Variants in MTHFSD observed in about 807,000 individuals in gnomAD.
MTHFSD encodes the protein methenyltetrahydrofolate synthetase domain containing, also known as methenyltetrahydrofolate synthase domain-containing protein.
In MTHFSD, 37 loss-of-function variants were observed where a neutral mutation model predicts 31.1. The ratio of observed to expected loss-of-function variants is 1.19; its 90% confidence interval spans 0.91 to 1.56. The LOEUF (loss-of-function observed/expected upper bound fraction) is 1.56, where lower values mean the gene tolerates loss of function less well. MTHFSD is among the 40% of genes most tolerant of loss of function. The probability of loss-of-function intolerance (pLI) is 0.00; values close to 1 mark genes in which losing one functional copy is unlikely to be tolerated. For missense variants in MTHFSD, 664 were observed against 510.1 expected (o/e 1.30, Z -2.91); for synonymous variants, 221 against 206.9 (o/e 1.07, Z -0.59).
chr16:86,552,830 C>T (rs1032590095), intron 2 of MTHFSD, among the ~76,000 whole-genome samples: 5 of 152,192 alleles, frequency 3.3e-5, no homozygotes, highest in Non-Finnish European at 7.3e-5. Context: ...TGTGGAGAAG[C>T]CAGGCTTGGG....
intron 7 of MTHFSD, chr16:86,535,320 C>G (rs1244014083): frequency 5.0e-5 from 4 of 79,994 alleles, no homozygotes; most frequent in Non-Finnish European, 6.5e-5. Flanking sequence ...CCCTCCTCCT[C>G]AAGCTCTAAT....
At chr16:86,554,941 C>T in intron 1 of MTHFSD, 190 bp from the exon 2 acceptor site, 1 of 1,218,896 alleles carries the variant, frequency 8.2e-7, no homozygotes, top group East Asian at 2.6e-5. Flanking sequence ...GTCCCTCCCG[C>T]CTCGTCTTCT....
intron 5 of MTHFSD, among the ~76,000 whole-genome samples, chr16:86,543,569 T>G (rs1007976557): frequency 3.9e-5 from 6 of 152,154 alleles, no homozygotes; most frequent in African/African-American, 1.2e-4. Context: ...GTGCAGTTCC[T>G]CAACACGGGC....
intron 2 of MTHFSD, among the ~76,000 whole-genome samples, chr16:86,554,118 C>T (rs1477563803): frequency 6.6e-6 from 1 of 152,170 alleles, no homozygotes; most frequent in African/African-American, 2.4e-5. Context: ...CAACCCTCTC[C>T]AATCCCCTTC....
At position 86,532,209 on chromosome 16, in the gene MTHFSD, A is replaced by C. The variant is rs1056781884; in HGVS notation, c.954T>G (p.Arg318=). The C allele has an allele frequency of 1.9e-6, 3 of 1,583,662 alleles. No homozygotes were observed. Among genetic ancestry groups the C allele is most frequent in the South Asian group, 2.3e-5 (2 of 86,894 alleles). ...VYVGNLPGDA[R]VSDLKRALRE... ...GCAGGGCTCTCTTCAGGTCACTCAC[A>C]CGGGCGTCCCCGGGGAGGTTCCCAA... Residue 318 remains arginine (R), a synonymous_variant, in exon 8 of 8, where the codon CGT becomes CGG. Coordinates refer to ENST00000360900, the MANE Select transcript of MTHFSD (RefSeq NM_001159377.2).
rs768607027 is a variant in MTHFSD at position 86,555,234 on chromosome 16, G to C, written c.-50C>G. 143 of 1,534,918 alleles carry C rather than the reference G, an allele frequency of 9.3e-5. No homozygotes were observed. The African/African-American group carries it at 1.8e-3, about 19-fold the overall frequency. On this transcript the variant is annotated 5_prime_UTR_variant, in exon 1 of 8. Coordinates refer to ENST00000360900, the MANE Select transcript of MTHFSD (RefSeq NM_001159377.2). ...TTCCCGGCGCAGGTTCTGGCGCGTA[G>C]TGACGTCACCCGCTCCGCGCCTGCG...
At chr16:86,534,439 G>A (rs533827269) in intron 7 of MTHFSD, among the ~76,000 whole-genome samples, 122 of 152,320 alleles carry the variant, frequency 8.0e-4, no homozygotes, top group Admixed American at 1.6e-3. Flanking sequence ...AGCCTCGCCT[G>A]AGAATGCTTG....
In MTHFSD at chr16:86,546,577, C is replaced by T. The variant is rs747863150; in HGVS notation, c.424G>A (p.Val142Ile). ...GTCTTACCTTTTTCAGAAACGGCGACGGATCCCACCACAACTAAATCCACG... is the reference window on the plus strand; with the variant it reads ...GTCTTACCTTTTTCAGAAACGGCGATGGATCCCACCACAACTAAATCCACG... ...VLVDLVVVGS[V>I]AVSEKGWRIG... The change falls in exon 5 of 8, where the codon GTC (valine) becomes ATC (isoleucine). Residue 142 changes from valine to isoleucine, a missense_variant. Physicochemically the swap from Val to Ile is conservative, Grantham distance 29. Coordinates refer to ENST00000360900, the MANE Select transcript of MTHFSD (RefSeq NM_001159377.2). 5.6e-6 allele frequency: 9 copies of T among 1,613,818 alleles called. No homozygotes were observed. The highest frequency in any genetic ancestry group is 1.1e-5 in the South Asian group (1 of 91,088).
chr16:86,540,059 G>A (rs1971282699), intron 7 of MTHFSD, among the ~76,000 whole-genome samples: 1 of 151,986 alleles, frequency 6.6e-6, no homozygotes, highest in African/African-American at 2.4e-5. Context: ...ATGGAATTTA[G>A]AGATTTTTTT....
chr16:86,548,599 A>G (rs1972674070), intron 3 of MTHFSD, 22 bp from the exon 4 acceptor site: 1 of 1,568,446 alleles, frequency 6.4e-7, no homozygotes. Flanking sequence ...AAGACAATCA[A>G]TAAATTACAA....
chr16:86,545,941 G>A (rs1972233413), intron 5 of MTHFSD, among the ~76,000 whole-genome samples: 1 of 152,368 alleles, frequency 6.6e-6, no homozygotes, highest in South Asian at 2.1e-4. Context: ...TGGTGGCTGG[G>A]AAAAGAGGGC....
chr16:86,541,124 A>G lies in MTHFSD; in HGVS notation c.681+573T>C, dbSNP rs115337272. ...CTGGCTGTTTGCCAGCAGAGACAGC[A>G]TCATAACCTACAGGCTGATTTGCAG... On this transcript the variant is annotated intron_variant, in intron 7 of 7. Transcript: ENST00000360900. The G allele has an allele frequency of 7.2e-3, 9,274 of 1,284,064 alleles. 294 individuals carry two copies. In the African/African-American group the frequency reaches 0.076, roughly 11 times the overall value. 79.5% of individuals were successfully genotyped at this position (1,284,064 alleles called of 1,614,324 possible).
intron 3 of MTHFSD, among the ~76,000 whole-genome samples, chr16:86,550,868 CCT>C (rs1207093087): frequency 1.3e-5 from 2 of 152,208 alleles, no homozygotes; most frequent in Non-Finnish European, 2.9e-5. Flanking sequence ...AGCCTGGACC[CCT>C]CCTCTCAGCT....
chr16:86,540,864 G>C (rs1971406347), intron 7 of MTHFSD: 1 of 1,086,822 alleles, frequency 9.2e-7, no homozygotes, highest in Non-Finnish European at 1.1e-6. Context: ...TGCACACCTG[G>C]GAGTCCCCAG....
chr16:86,541,414 G>A, intron 7 of MTHFSD: 1 of 586,140 alleles, frequency 1.7e-6, no homozygotes, highest in Non-Finnish European at 2.8e-6. Flanking sequence ...GGCAAGTAAA[G>A]CTTCAAGGCA....
At position 86,532,081 on chromosome 16, in the gene MTHFSD, C is replaced by G; in HGVS notation, c.1082G>C (p.Cys361Ser). The G allele has an allele frequency of 1.3e-6, 2 of 1,529,072 alleles. No individual in the cohort carries two copies. The highest frequency in any genetic ancestry group is 1.8e-6 in the Non-Finnish European group (2 of 1,137,354). The allele number at this position is 1,529,072 out of a possible 1,614,324, so 94.7% of individuals were successfully genotyped here. A position where few individuals can be genotyped will look rare whatever the true frequency, so the allele number is the denominator to read the frequency against. The change falls in exon 8 of 8, where the codon TGC becomes TCC. Residue 361 changes from cysteine (C) to serine (S), a missense_variant. Physicochemically the swap from Cys to Ser is moderately radical, Grantham distance 112 (BLOSUM62 -1). Coordinates refer to ENST00000360900, the MANE Select transcript of MTHFSD (RefSeq NM_001159377.2). ...GGTGCCCAGGCGCAGGCCCTGCAAG[C>G]AGGAGACGGCCTGCTGGGCTGCGGC... The part of the protein sequence containing the change: ...DSAAAQQAVS[C>S]LQGLRLGTDT...
intron 2 of MTHFSD, chr16:86,552,401 C>G: frequency 1.1e-6 from 1 of 889,652 alleles, no homozygotes; most frequent in East Asian, 2.7e-5. Context: ...TAACAGTCAC[C>G]CAAAGAAACA....
At chr16:86,554,070 A>G (rs1973643030) in intron 2 of MTHFSD, among the ~76,000 whole-genome samples, 1 of 152,172 alleles carries the variant, frequency 6.6e-6, no homozygotes. Context: ...GTGGGGCCAG[A>G]TAAGAGATTA....
intron 5 of MTHFSD, among the ~76,000 whole-genome samples, chr16:86,544,800 T>C (rs1364580007): frequency 6.6e-6 from 1 of 152,136 alleles, no homozygotes; most frequent in Admixed American, 6.5e-5. Flanking sequence ...TGACATGGAA[T>C]CAACCCAAAT....
Sources: gnomAD v4.1 joint callset for allele counts (sites outside exome capture counted in the v4.1 genomes callset) on GRCh38, gnomAD v4.1.1 for gene constraint, MANE v1.5 for transcripts, NCBI Gene and HGNC (gene_info 2026-07-23, HGNC 2026-07-21) for gene names.